Variants in PRDM15 observed in about 807,000 individuals in gnomAD.
The protein encoded by PRDM15 is PR domain zinc finger protein 15.
Under a neutral mutation model 128.6 loss-of-function variants are expected in PRDM15, and 64 were observed. The observed-to-expected ratio is 0.50, with a 90% CI of 0.41 to 0.61. The LOEUF (loss-of-function observed/expected upper bound fraction) is 0.61, where lower values mean the gene tolerates loss of function less well. PRDM15 is among the 20% of genes least tolerant of loss of function. The pLI is 0.00. For missense variants in PRDM15, 1,242 were observed against 1,569.1 expected, an observed-to-expected ratio of 0.79 and a Z score of 3.52; for synonymous variants, 615 against 621.8, an observed-to-expected ratio of 0.99 and a Z score of 0.16.
chr21:41,841,610 A>G (rs2063075936), intron 6 of PRDM15, among the ~76,000 whole-genome samples: 1 of 152,248 alleles, frequency 6.6e-6, no homozygotes, highest in Admixed American at 6.5e-5. Flanking sequence ...CTAGACAATT[A>G]CAAATTCAAA....
chr21:41,847,653 C>T (rs1208394567), intron 5 of PRDM15, among the ~76,000 whole-genome samples: 1 of 152,232 alleles, frequency 6.6e-6, no homozygotes, highest in East Asian at 1.9e-4. Flanking sequence ...TCCCGCCCAG[C>T]GCTATCCGGC....
chr21:41,856,158 C>T (rs1480898718), intron 4 of PRDM15, among the ~76,000 whole-genome samples: 14 of 12,600 alleles, frequency 1.1e-3, no homozygotes, highest in Non-Finnish European at 1.6e-3. Context: ...CCTTCCCTCC[C>T]TCCCCTCCCT....
At chr21:41,808,776 TCA>T (rs1175019471) in intron 21 of PRDM15, among the ~76,000 whole-genome samples, 1 of 152,358 alleles carries the variant, frequency 6.6e-6, no homozygotes, top group East Asian at 1.9e-4. Flanking sequence ...AATGAGCATT[TCA>T]CAATTTCAGA....
chr21:41,878,408 C>T (rs2064497622), intron 1 of PRDM15, among the ~76,000 whole-genome samples: 1 of 152,214 alleles, frequency 6.6e-6, no homozygotes, highest in African/African-American at 2.4e-5. Flanking sequence ...TGGGTGATAA[C>T]TCTAACCACC....
chr21:41,836,323 C>T, intron 9 of PRDM15, 116 bp from the exon 10 acceptor site: 2 of 1,298,588 alleles, frequency 1.5e-6, no homozygotes, highest in African/African-American at 1.5e-5. Flanking sequence ...GAAGGAGCTG[C>T]AGAGATGATC....
At position 41,817,445 on chromosome 21, in the gene PRDM15, C is replaced by G. The variant is rs148309325; in HGVS notation, c.2261-1609G>C. On this transcript the variant is annotated intron_variant, in intron 18 of 23. Coordinates refer to ENST00000398548, the MANE Select transcript of PRDM15 (RefSeq NM_001040424.3). ...TCCACCTGCTGGTGACAGGCTCTCA[C>G]GACTACTAACAGCCTCCCACTTGGT... Among the ~76,000 whole-genome samples, 525 of 152,276 alleles carry G rather than the reference C, an allele frequency of 3.4e-3. 5 individuals carry two copies. The highest frequency in any genetic ancestry group is 0.02 in the Middle Eastern group (6 of 294).
At chr21:41,853,635 T>C (rs575757015) in intron 5 of PRDM15, among the ~76,000 whole-genome samples, 2 of 152,312 alleles carry the variant, frequency 1.3e-5, no homozygotes, top group Admixed American at 6.5e-5. Context: ...GCAGCCCCGC[T>C]TGATGGGCAA....
chr21:41,878,920 GC>G (rs1399541063), intron 1 of PRDM15: 32 of 955,378 alleles, frequency 3.3e-5, no homozygotes, highest in Non-Finnish European at 4.0e-5. Context: ...GCTGGGCCTG[GC>G]CGCGGGCGGG....
intron 6 of PRDM15, among the ~76,000 whole-genome samples, chr21:41,846,707 AAC>A (rs1278493518): frequency 6.6e-6 from 1 of 152,244 alleles, no homozygotes; most frequent in Non-Finnish European, 1.5e-5. Context: ...AAAAAAAGAA[AAC>A]AGTGTCTGTC....
intron 11 of PRDM15, among the ~76,000 whole-genome samples, chr21:41,830,833 G>A (rs879825446): frequency 2.6e-5 from 4 of 152,124 alleles, no homozygotes; most frequent in Admixed American, 2.0e-4. Context: ...TTTCGGCTCC[G>A]CCCAGGACAC....
chr21:41,829,398 CTA>C (rs2062603228), intron 11 of PRDM15, among the ~76,000 whole-genome samples: 1 of 151,732 alleles, frequency 6.6e-6, no homozygotes, highest in South Asian at 2.1e-4. Flanking sequence ...TCAACATAAA[CTA>C]CACACACAAT....
intron 18 of PRDM15, among the ~76,000 whole-genome samples, chr21:41,816,317 G>GGA (rs1235095747): frequency 6.6e-6 from 1 of 152,238 alleles, no homozygotes; most frequent in East Asian, 1.9e-4. Context: ...CACAGCCAGT[G>GGA]GAGAGAGGGT....
At chr21:41,837,768 GAACATTCCTGAGCTC>G (rs2062943128) in intron 8 of PRDM15, among the ~76,000 whole-genome samples, 151 bp downstream of exon 8, 1 of 4,572 alleles carries the variant, frequency 2.2e-4, no homozygotes, top group Non-Finnish European at 6.2e-4. Flanking sequence ...CTGAGCTCCA[GAACATTCCTGAGCTC>G]CAGAACATTC....
chr21:41,867,373 G>A (rs749736205), intron 1 of PRDM15: 5 of 1,613,468 alleles, frequency 3.1e-6, no homozygotes, highest in Admixed American at 3.3e-5. Flanking sequence ...TTTGTGCAAA[G>A]GGTCCTGAAA....
chr21:41,836,539 A>G lies in PRDM15; in HGVS notation c.1112T>C (p.Val371Ala). 3.1e-6 allele frequency: 5 copies of G among 1,612,642 alleles called. No homozygotes were observed. Among genetic ancestry groups the G allele is most frequent in the Non-Finnish European group, 4.2e-6 (5 of 1,179,924 alleles). The change falls in exon 9 of 24, where the codon GTT becomes GCT. Residue 371 changes from valine to alanine, a missense_variant. This residue lies in a region of PRDM15 where 612 missense variants were observed against 717.0 expected (regional missense o/e 0.85). Transcript: ENST00000398548. ...LIKQLGEHKR[V>A]YQCNICSKIF... The stretch of plus-strand genomic sequence containing the variant: ...CTTGCTGCAGATATTGCACTGGTAA[A>G]CCCGCTTGTGCTCCCCGAGCTGTTT...
intron 14 of PRDM15, among the ~76,000 whole-genome samples, 192 bp from the exon 15 acceptor site, chr21:41,822,229 G>A (rs1049384912): frequency 1.1e-4 from 16 of 152,222 alleles, no homozygotes; most frequent in Admixed American, 4.6e-4. Flanking sequence ...CCACCTAAAC[G>A]CTAAAGCTGC....
intron 1 of PRDM15, chr21:41,874,616 C>T (rs2146049445): frequency 6.7e-6 from 1 of 149,782 alleles, no homozygotes; most frequent in South Asian, 2.1e-4. Flanking sequence ...GACTCTGGTC[C>T]AGTGAGTGGA....
intron 7 of PRDM15, 28 bp from the exon 8 acceptor site, chr21:41,838,091 G>A: frequency 6.2e-7 from 1 of 1,611,480 alleles, no homozygotes; most frequent in Non-Finnish European, 8.5e-7. Context: ...GACAAGCTAA[G>A]TAACCACAAG....
At chr21:41,857,594 T>C (rs1448589626) in intron 3 of PRDM15, among the ~76,000 whole-genome samples, 1 of 152,094 alleles carries the variant, frequency 6.6e-6, no homozygotes, top group African/African-American at 2.4e-5. Flanking sequence ...ACCCTGTCTC[T>C]ACAAAAAATA....
Sources: gnomAD v4.1 joint callset for allele counts (sites outside exome capture counted in the v4.1 genomes callset) on GRCh38, gnomAD v4.1.1 for gene constraint, gnomAD v4.1.1 regional missense constraint, MANE v1.5 for transcripts, NCBI Gene and HGNC (gene_info 2026-07-23, HGNC 2026-07-21) for gene names.